The following TDP1 variants were observed in gnomAD, a reference collection of about 807,000 sequenced individuals.
TDP1 encodes tyrosyl-DNA phosphodiesterase 1.
A neutral mutation model predicts 81.5 loss-of-function variants in TDP1; 64 were observed. The ratio of observed to expected loss-of-function variants is 0.79; its 90% CI spans 0.64 to 0.97. TDP1 has a LOEUF of 0.97. Ranked by LOEUF, TDP1 falls within the 50% of genes least tolerant of loss-of-function variation. TDP1 has a pLI of 0.00. For missense variants in TDP1, 723 were observed against 743.8 expected (o/e 0.97, Z 0.33); for synonymous variants, 256 against 264.3 (o/e 0.97, Z 0.30).
chr14:89,958,360 T>C (rs1472901344), intron 2 of TDP1: 3 of 152,256 alleles, frequency 2.0e-5, no homozygotes, highest in Non-Finnish European at 4.4e-5. Context: ...CCAAGAATAA[T>C]GAGGTTAGGC....
intron 14 of TDP1, among the ~76,000 whole-genome samples, chr14:90,005,315 C>T (rs538366589): frequency 6.6e-6 from 1 of 152,214 alleles, no homozygotes; most frequent in South Asian, 2.1e-4. Flanking sequence ...CAACAGTGGG[C>T]AGAGAGAGAT....
chr14:90,018,887 CA>C (rs1008331078), intron 14 of TDP1: 1 of 855,002 alleles, frequency 1.2e-6, no homozygotes, highest in Non-Finnish European at 1.4e-6. Flanking sequence ...CACTACCTGG[CA>C]AAAAAACTGA....
intron 8 of TDP1, chr14:89,984,021 C>A: frequency 1.5e-6 from 1 of 677,738 alleles, no homozygotes; most frequent in Non-Finnish European, 1.8e-6. Flanking sequence ...ATAGATTTTT[C>A]ACATGCACTT....
At chr14:89,976,106 AT>A (rs1366955677) in intron 7 of TDP1, among the ~76,000 whole-genome samples, 1 of 152,164 alleles carries the variant, frequency 6.6e-6, no homozygotes, top group African/African-American at 2.4e-5. Flanking sequence ...TTTAATTAAT[AT>A]ATACACACAA....
intron 2 of TDP1, among the ~76,000 whole-genome samples, chr14:89,957,834 A>AC (rs1457660528): frequency 1.3e-5 from 2 of 152,180 alleles, no homozygotes; most frequent in African/African-American, 2.4e-5. Flanking sequence ...TTAACACATG[A>AC]CACAGGATTT....
At chr14:90,019,456 G>A (rs1014196842) in intron 15 of TDP1, 38 bp downstream of exon 15, 2 of 1,115,044 alleles carry the variant, frequency 1.8e-6, no homozygotes, top group Non-Finnish European at 2.8e-6. Context: ...GGGTCACATG[G>A]GAGATGAATT....
rs45517940 is a variant in TDP1, at chr14:89,989,813, G to A, written c.1366+48G>A. 24,904 of 1,410,970 alleles carry A rather than the reference G, an allele frequency of 0.018. 269 individuals carry two copies. The highest frequency in any genetic ancestry group is 0.021 in the Non-Finnish European group (21,108 of 995,078). The allele number at this position is 1,410,970 out of a possible 1,614,324, so 87.4% of individuals were successfully genotyped here. A position where few individuals can be genotyped will look rare whatever the true frequency, so the allele number is the denominator to read the frequency against. On this transcript the variant is annotated intron_variant, in intron 12 of 16. Coordinates refer to ENST00000335725, the MANE Select transcript of TDP1 (RefSeq NM_018319.4). Reference sequence around the variant, plus strand: ...TGATTGTGTTTTATGTATATTTCATGAATGTCCTGGTAAAGTTTTACTACT... The same window carrying A: ...TGATTGTGTTTTATGTATATTTCATAAATGTCCTGGTAAAGTTTTACTACT...
At position 90,013,499 on chromosome 14, in the gene TDP1, C is replaced by T. The variant is rs1044878626; in HGVS notation, c.1542-5817C>T. ...TGCCGCCATGTAAGATGTGCCTTTGCTCCTCCTTTGCCTTCTGCTATGATC... is the reference window on the plus strand; with the variant it reads ...TGCCGCCATGTAAGATGTGCCTTTGTTCCTCCTTTGCCTTCTGCTATGATC... On this transcript the variant is annotated intron_variant, in intron 14 of 16. Transcript: ENST00000335725. Among the ~76,000 whole-genome samples, 6 of 152,198 alleles carry T rather than the reference C, an allele frequency of 3.9e-5. No individual in the cohort carries two copies. The East Asian group carries it at 9.6e-4, about 24-fold the overall frequency.
chr14:90,035,681 G>A (rs924830675), intron 16 of TDP1, among the ~76,000 whole-genome samples: 2 of 149,740 alleles, frequency 1.3e-5, no homozygotes, highest in African/African-American at 5.0e-5. Flanking sequence ...TTTTGGCTTT[G>A]TGCTACTTTT....
chr14:89,972,482 A>G (rs1174362855), intron 6 of TDP1, among the ~76,000 whole-genome samples: 1 of 152,196 alleles, frequency 6.6e-6, no homozygotes, highest in Non-Finnish European at 1.5e-5. Flanking sequence ...ATCAAAGGCC[A>G]AGAAACGGTT....
chr14:89,999,729 G>GA (rs1897029984), intron 14 of TDP1, among the ~76,000 whole-genome samples: 1 of 152,182 alleles, frequency 6.6e-6, no homozygotes, highest in Non-Finnish European at 1.5e-5. Context: ...ATCACCCTTT[G>GA]AAAGTAGGTG....
intron 11 of TDP1, chr14:89,989,316 G>A: frequency 2.0e-6 from 2 of 985,220 alleles, no homozygotes; most frequent in Non-Finnish European, 2.4e-6. Context: ...GATTCGTTCA[G>A]GAGCTCCATT....
intron 4 of TDP1, 149 bp from the exon 5 acceptor site, chr14:89,967,218 T>G: frequency 7.2e-7 from 1 of 1,386,954 alleles, no homozygotes; most frequent in Non-Finnish European, 1.0e-6. Context: ...TTTGTTAGTA[T>G]TGCAGCATAA....
In TDP1 at chr14:89,963,372, C is replaced by T. The variant is rs755652358; in HGVS notation, c.258C>T (p.Gly86=). 4.8e-5 allele frequency: 77 copies of T among 1,614,068 alleles called. No homozygotes were observed. Among genetic ancestry groups the T allele is most frequent in the Non-Finnish European group, 6.2e-5 (73 of 1,180,046 alleles). ...RQKSGSQEDL[G]WCLSSSDDEL... The stretch of plus-strand genomic sequence containing the variant: ...AAAGCGGTTCCCAGGAGGACCTCGG[C>T]TGGTGTCTGTCCAGCAGTGATGATG... Residue 86 remains glycine, a synonymous_variant, in exon 3 of 17, where the codon GGC becomes GGT. Coordinates refer to ENST00000335725, the MANE Select transcript of TDP1 (RefSeq NM_018319.4).
At chr14:89,974,246 A>C (rs75745280) in intron 6 of TDP1, among the ~76,000 whole-genome samples, 14,464 of 152,196 alleles carry the variant, frequency 0.095, 1,769 homozygotes, top group African/African-American at 0.28. Flanking sequence ...CCAGTAAACA[A>C]TATCTATTGA....
chr14:89,960,250 A>C (rs777562801), intron 2 of TDP1, among the ~76,000 whole-genome samples: 2 of 152,168 alleles, frequency 1.3e-5, no homozygotes, highest in African/African-American at 2.4e-5. Context: ...ACTCTAGAAC[A>C]CTAGAGGAAC....
intron 15 of TDP1, chr14:90,023,193 C>T: frequency 1.5e-6 from 1 of 681,630 alleles, no homozygotes; most frequent in South Asian, 1.5e-5. Flanking sequence ...TGTGGTCTGC[C>T]CGGGGGGCTT....
chr14:90,039,810 A>ATGAGCACTTG (rs967469223), intron 16 of TDP1, among the ~76,000 whole-genome samples: 12 of 152,196 alleles, frequency 7.9e-5, no homozygotes, highest in African/African-American at 2.7e-4. Flanking sequence ...AGGAACTCAT[A>ATGAGCACTTG]TGAGCACTTG....
chr14:89,963,744 GGCAGCCT>G, intron 3 of TDP1, 71 bp downstream of exon 3: 1 of 1,552,136 alleles, frequency 6.4e-7, no homozygotes, highest in Non-Finnish European at 8.9e-7. Flanking sequence ...AAACAAGGAG[GGCAGCCT>G]AGAATAGTTT....
Sources: allele counts gnomAD v4.1 joint callset (sites outside exome capture counted in the v4.1 genomes callset), GRCh38; gene constraint gnomAD v4.1.1; transcripts MANE v1.5; gene names NCBI Gene and HGNC (gene_info 2026-07-23, HGNC 2026-07-21).